Variants in TMEM132C observed in about 807,000 individuals in gnomAD.
TMEM132C encodes the protein protein phosphatase 1, regulatory subunit 152.
TMEM132C carries 29 observed loss-of-function variants against 61.4 expected under a neutral mutation model. The observed-to-expected ratio is 0.47, with a 90% CI of 0.35 to 0.64. The LOEUF is 0.64. Among genes scored for constraint, TMEM132C ranks in the 30% least tolerant of loss-of-function variants. The pLI, the probability that TMEM132C is intolerant of heterozygous loss-of-function variation, is 0.00. For missense variants in TMEM132C, 1,408 were observed against 1,476.9 expected (o/e 0.95, Z 0.76); for synonymous variants, 656 against 633.1 (o/e 1.04, Z -0.54).
intron 4 of TMEM132C, among the ~76,000 whole-genome samples, chr12:128,667,905 A>T (rs1954494469): frequency 6.6e-6 from 1 of 152,216 alleles, no homozygotes; most frequent in South Asian, 2.1e-4. Context: ...CAAAGTCCCC[A>T]TTGACTATGA....
chr12:128,319,620 G>A (rs966003521), intron 1 of TMEM132C, among the ~76,000 whole-genome samples: 1 of 152,106 alleles, frequency 6.6e-6, no homozygotes, highest in Non-Finnish European at 1.5e-5. Context: ...AGGGTTAGGA[G>A]TTCGAGACCA....
chr12:128,324,043 C>T (rs1055049173), intron 1 of TMEM132C, among the ~76,000 whole-genome samples: 3 of 151,808 alleles, frequency 2.0e-5, no homozygotes, highest in Non-Finnish European at 2.9e-5. Flanking sequence ...AAGAGCATTT[C>T]CCCAGATATG....
chr12:128,682,308 G>T (rs1007459427), intron 5 of TMEM132C, among the ~76,000 whole-genome samples: 2 of 152,126 alleles, frequency 1.3e-5, no homozygotes, highest in Admixed American at 6.5e-5. Context: ...ATTCTTTGTC[G>T]CCTGATTGTT....
At chr12:128,517,265 T>TAAACAAAC (rs1555229199) in intron 2 of TMEM132C, among the ~76,000 whole-genome samples, 5 of 136,608 alleles carry the variant, frequency 3.7e-5, no homozygotes, top group African/African-American at 1.2e-4. Context: ...AATAAATAAA[T>TAAACAAAC]AAACAAACAA....
intron 1 of TMEM132C, among the ~76,000 whole-genome samples, chr12:128,296,778 T>C (rs1048814153): frequency 1.2e-4 from 18 of 152,202 alleles, no homozygotes; most frequent in Non-Finnish European, 2.5e-4. Flanking sequence ...TGTTTTCCTT[T>C]AAATTGATGC....
At chr12:128,675,816 G>A (rs1402420291) in intron 5 of TMEM132C, among the ~76,000 whole-genome samples, 4 of 151,262 alleles carry the variant, frequency 2.6e-5, no homozygotes, top group Non-Finnish European at 5.9e-5. Flanking sequence ...AGATTAGATA[G>A]ATGGTAGATT....
intron 1 of TMEM132C, among the ~76,000 whole-genome samples, chr12:128,277,353 C>A (rs1870728033): frequency 6.6e-6 from 1 of 152,208 alleles, no homozygotes; most frequent in South Asian, 2.1e-4. Flanking sequence ...TTGCTGTCTT[C>A]ATTTTGGAGA....
chr12:128,664,753 G>C (rs970300620), intron 4 of TMEM132C, among the ~76,000 whole-genome samples: 1 of 152,198 alleles, frequency 6.6e-6, no homozygotes, highest in Admixed American at 6.5e-5. Flanking sequence ...AAAGGGAAGC[G>C]GCATCCACCG....
chr12:128,674,890 C>G (rs1954568435), intron 5 of TMEM132C, among the ~76,000 whole-genome samples: 1 of 151,244 alleles, frequency 6.6e-6, no homozygotes, highest in Non-Finnish European at 1.5e-5. Context: ...TTTGCATCCT[C>G]AGAGCTTAGC....
chr12:128,404,088 G>A lies in TMEM132C; in HGVS notation c.86-10644G>A, dbSNP rs141523774. ...TGACAACCAAAAAATGTCTGCAGACGTCACCAAGTGTTTCTCAAGAAAATC... is the reference window on the plus strand; with the variant it reads ...TGACAACCAAAAAATGTCTGCAGACATCACCAAGTGTTTCTCAAGAAAATC... On this transcript the variant is annotated intron_variant, in intron 1 of 8. Coordinates refer to ENST00000435159, the MANE Select transcript of TMEM132C (RefSeq NM_001136103.3). Among the ~76,000 whole-genome samples, 350 of 152,238 alleles carry A rather than the reference G, an allele frequency of 2.3e-3. 4 individuals are homozygous for A. Among genetic ancestry groups the A allele is most frequent in the African/African-American group, 7.8e-3 (326 of 41,544 alleles).
intron 1 of TMEM132C, among the ~76,000 whole-genome samples, chr12:128,364,412 C>A (rs546663270): frequency 1.3e-5 from 2 of 152,112 alleles, no homozygotes; most frequent in African/African-American, 4.8e-5. Context: ...CTTGCTCTTC[C>A]GTCCCTCGGG....
At chr12:128,616,005 G>A (rs908999861) in intron 3 of TMEM132C, 147 bp from the exon 4 acceptor site, 22 of 906,980 alleles carry the variant, frequency 2.4e-5, no homozygotes, top group Non-Finnish European at 2.9e-5. Context: ...CTTTGTAGGT[G>A]GTTCCATGCC....
intron 3 of TMEM132C, among the ~76,000 whole-genome samples, chr12:128,591,119 A>G (rs1875734675): frequency 6.6e-6 from 1 of 152,208 alleles, no homozygotes; most frequent in African/African-American, 2.4e-5. Context: ...ATTACTATAA[A>G]TGCATACTAC....
intron 1 of TMEM132C, among the ~76,000 whole-genome samples, chr12:128,333,310 GTA>G (rs1319264454): frequency 6.6e-6 from 1 of 151,794 alleles, no homozygotes; most frequent in African/African-American, 2.4e-5. Context: ...GGTGCTGTGT[GTA>G]TGTATGTGTG....
intron 1 of TMEM132C, among the ~76,000 whole-genome samples, chr12:128,329,937 C>T (rs897469629): frequency 3.9e-5 from 6 of 152,214 alleles, no homozygotes; most frequent in African/African-American, 1.4e-4. Context: ...AAGTTCGTGA[C>T]AGCCTCGGTG....
At chr12:128,678,577 C>G (rs1168657678) in intron 5 of TMEM132C, among the ~76,000 whole-genome samples, 1 of 152,208 alleles carries the variant, frequency 6.6e-6, no homozygotes, top group African/African-American at 2.4e-5. Context: ...GCATGCAGGA[C>G]GATGCCTTTG....
intron 2 of TMEM132C, among the ~76,000 whole-genome samples, chr12:128,469,279 T>G (rs542172404): frequency 1.1e-4 from 16 of 151,850 alleles, no homozygotes; most frequent in Non-Finnish European, 2.1e-4. Context: ...ACTTTATGAC[T>G]CAGATCATAT....
Position 128,516,116 on chromosome 12 carries a change from G to T in TMEM132C, c.975-27841G>T, listed in dbSNP as rs75335042. Among the ~76,000 whole-genome samples, 562 of 152,228 alleles carry T rather than the reference G, an allele frequency of 3.7e-3. 23 individuals are homozygous for T. The East Asian group carries it at 0.094, about 25-fold the overall frequency. ...CCTGATGCCACAACAAGTAGGGTCCGCACTGAGACCCTTCCTCCTCTTTTC... is the reference window on the plus strand; with the variant it reads ...CCTGATGCCACAACAAGTAGGGTCCTCACTGAGACCCTTCCTCCTCTTTTC... On this transcript the variant is annotated intron_variant, in intron 2 of 8. Coordinates refer to ENST00000435159, the MANE Select transcript of TMEM132C (RefSeq NM_001136103.3).
intron 1 of TMEM132C, among the ~76,000 whole-genome samples, chr12:128,341,659 G>A (rs1565906455): frequency 6.6e-6 from 1 of 152,140 alleles, no homozygotes; most frequent in Non-Finnish European, 1.5e-5. Context: ...ATGAAGGTAG[G>A]CTTCTTCCTA....
Sources: gnomAD v4.1 joint callset for allele counts (sites outside exome capture counted in the v4.1 genomes callset) on GRCh38, gnomAD v4.1.1 for gene constraint, MANE v1.5 for transcripts, NCBI Gene and HGNC (gene_info 2026-07-23, HGNC 2026-07-21) for gene names.